Variants in MARCHF6 observed in about 807,000 individuals in gnomAD.
The protein encoded by MARCHF6 is E3 ubiquitin-protein ligase MARCHF6.
In MARCHF6, 31 loss-of-function variants were observed where a neutral mutation model predicts 133.7. The ratio of observed to expected loss-of-function variants is 0.23; its 90% CI spans 0.17 to 0.31. MARCHF6 has a LOEUF of 0.31. Among genes scored for constraint, MARCHF6 ranks in the 10% least tolerant of loss-of-function variants. The pLI is 1.00. For synonymous variants in MARCHF6, 395 were observed against 402.5 expected, an observed-to-expected ratio of 0.98 and a Z score of 0.22; for missense variants, 723 against 1,121.6, an observed-to-expected ratio of 0.64 and a Z score of 5.08.
intron 1 of MARCHF6, among the ~76,000 whole-genome samples, chr5:10,367,022 C>T (rs1010063616): frequency 9.7e-5 from 5 of 51,748 alleles, no homozygotes; most frequent in Admixed American, 2.6e-4. Context: ...TAAGATGCCA[C>T]TTCATGTGAT....
chr5:10,359,938 G>A (rs999176902), intron 1 of MARCHF6, among the ~76,000 whole-genome samples: 4 of 151,828 alleles, frequency 2.6e-5, no homozygotes, highest in East Asian at 2.0e-4. Flanking sequence ...CGTGGGAGGC[G>A]GAGCTTGCAG....
intron 1 of MARCHF6, among the ~76,000 whole-genome samples, chr5:10,376,061 G>A (rs1022409147): frequency 2.6e-5 from 4 of 152,176 alleles, no homozygotes; most frequent in African/African-American, 9.7e-5. Context: ...GCAGGATGTG[G>A]GTGGGGCCAG....
Position 10,437,779 on chromosome 5 carries a change from C to G in MARCHF6, c.*4095C>G. On this transcript the variant is annotated 3_prime_UTR_variant, in exon 26 of 26. Coordinates refer to ENST00000274140, the MANE Select transcript of MARCHF6 (RefSeq NM_005885.4). ...ATGTATATATATTCTGAAATGCTCCCTTTTTAATGTGGTCATTTGTTGCCT... is the reference window on the plus strand; with the variant it reads ...ATGTATATATATTCTGAAATGCTCCGTTTTTAATGTGGTCATTTGTTGCCT... 1 of 152,244 alleles carries G rather than the reference C, an allele frequency of 6.6e-6. No individual in the cohort carries two copies. Among genetic ancestry groups the G allele is most frequent in the South Asian group, 2.1e-4 (1 of 4,820 alleles). The allele number at this position is 152,244 out of a possible 1,614,324, so 9.4% of individuals were successfully genotyped here. A position where few individuals can be genotyped will look rare whatever the true frequency, so the allele number is the denominator to read the frequency against.
At chr5:10,373,842 G>A (rs1442116557) in intron 1 of MARCHF6, among the ~76,000 whole-genome samples, 1 of 152,156 alleles carries the variant, frequency 6.6e-6, no homozygotes, top group Non-Finnish European at 1.5e-5. Context: ...AGTTTCAAAA[G>A]TTAATCCACA....
At chr5:10,378,905 A>C in intron 3 of MARCHF6, 73 bp downstream of exon 3, 1 of 923,016 alleles carries the variant, frequency 1.1e-6, no homozygotes, top group Non-Finnish European at 1.7e-6. Context: ...TGATATGATC[A>C]GTTGACAGAG....
At chr5:10,410,806 C>T (rs1010812715) in intron 18 of MARCHF6, among the ~76,000 whole-genome samples, 1 of 152,142 alleles carries the variant, frequency 6.6e-6, no homozygotes, top group Non-Finnish European at 1.5e-5. Context: ...GAACATCTGT[C>T]GTCCTCTAAC....
Position 10,391,604 on chromosome 5 carries a change from T to G in MARCHF6, c.639T>G (p.Ala213=). The G allele has an allele frequency of 6.2e-7, 1 of 1,613,156 alleles. No homozygotes were observed. The highest frequency in any genetic ancestry group is 1.1e-5 in the South Asian group (1 of 91,026). The stretch of plus-strand genomic sequence containing the variant: ...CTGATCAGCCTGCTAACCCACCAGC[T>G]GAGAACGCAGTGGTGGGGGAAAACC... ...VAADQPANPP[A]ENAVVGENPD... The change falls in exon 7 of 26, where the codon GCT becomes GCG. Residue 213 remains alanine, a synonymous_variant. Coordinates refer to ENST00000274140, the MANE Select transcript of MARCHF6 (RefSeq NM_005885.4).
intron 1 of MARCHF6, among the ~76,000 whole-genome samples, chr5:10,362,395 G>A (rs1735881509): frequency 6.6e-6 from 1 of 152,206 alleles, no homozygotes; most frequent in Non-Finnish European, 1.5e-5. Flanking sequence ...GAGCATTGAT[G>A]TAGCTAGAGT....
At chr5:10,375,440 C>G (rs1287253342) in intron 1 of MARCHF6, among the ~76,000 whole-genome samples, 3 of 152,268 alleles carry the variant, frequency 2.0e-5, no homozygotes, top group African/African-American at 7.2e-5. Flanking sequence ...GAGCCTCCCA[C>G]CCACTCCATG....
chr5:10,361,650 G>T (rs1735832170), intron 1 of MARCHF6, among the ~76,000 whole-genome samples: 1 of 152,174 alleles, frequency 6.6e-6, no homozygotes, highest in South Asian at 2.1e-4. Flanking sequence ...TTCAACACGT[G>T]AATTACGGGG....
intron 7 of MARCHF6, among the ~76,000 whole-genome samples, chr5:10,392,501 A>G (rs1737922066): frequency 6.6e-6 from 1 of 152,164 alleles, no homozygotes; most frequent in African/African-American, 2.4e-5. Context: ...TCTAGAATGT[A>G]AAATAAGATC....
intron 4 of MARCHF6, among the ~76,000 whole-genome samples, chr5:10,384,321 CAAAA>C (rs76150679): frequency 7.0e-6 from 1 of 142,326 alleles, no homozygotes; most frequent in Non-Finnish European, 1.6e-5. Context: ...TTCTGGCACT[CAAAA>C]AAAAAAAGAA....
intron 10 of MARCHF6, among the ~76,000 whole-genome samples, chr5:10,398,526 A>G (rs553423718): frequency 5.7e-4 from 85 of 150,138 alleles, no homozygotes; most frequent in African/African-American, 1.9e-3. Flanking sequence ...TCCTGCATTT[A>G]TTTTTCATTA....
At chr5:10,383,500 A>G (rs2126709300) in intron 4 of MARCHF6, among the ~76,000 whole-genome samples, 1 of 152,294 alleles carries the variant, frequency 6.6e-6, no homozygotes, top group Non-Finnish European at 1.5e-5. Flanking sequence ...AAGTAAAGAA[A>G]ATCAGAGTGG....
At chr5:10,392,252 G>A (rs1579569113) in intron 7 of MARCHF6, among the ~76,000 whole-genome samples, 1 of 152,188 alleles carries the variant, frequency 6.6e-6, no homozygotes, top group South Asian at 2.1e-4. Context: ...CACTGCGCCC[G>A]GCCTACACAG....
intron 21 of MARCHF6, 54 bp from the exon 22 acceptor site, chr5:10,417,216 G>C: frequency 6.3e-7 from 1 of 1,579,662 alleles, no homozygotes. Context: ...AATGGAAATA[G>C]AGTTTGGCTC....
chr5:10,420,657 T>C (rs1363148915), intron 22 of MARCHF6, among the ~76,000 whole-genome samples: 1 of 152,174 alleles, frequency 6.6e-6, no homozygotes, highest in Non-Finnish European at 1.5e-5. Context: ...ATCAACATCA[T>C]ACACTGTCAC....
chr5:10,364,623 T>A (rs1466367359), intron 1 of MARCHF6, among the ~76,000 whole-genome samples: 1 of 152,196 alleles, frequency 6.6e-6, no homozygotes, highest in African/African-American at 2.4e-5. Context: ...TCATTACTGC[T>A]GAAATTGTTG....
intron 4 of MARCHF6, among the ~76,000 whole-genome samples, chr5:10,386,170 A>G (rs2126716353): frequency 6.6e-6 from 1 of 152,298 alleles, no homozygotes; most frequent in South Asian, 2.1e-4. Context: ...ACATGTAAGT[A>G]ATTTTTATTA....
Sources: allele counts gnomAD v4.1 joint callset (sites outside exome capture counted in the v4.1 genomes callset), GRCh38; gene constraint gnomAD v4.1.1; transcripts MANE v1.5; gene names NCBI Gene and HGNC (gene_info 2026-07-23, HGNC 2026-07-21).